Variants in NUTM1 observed in about 807,000 individuals in gnomAD.
The protein encoded by NUTM1 is NUT family member 1.
Under a neutral mutation model 88.7 loss-of-function variants are expected in NUTM1, and 39 were observed. The ratio of observed to expected loss-of-function variants is 0.44; its 90% CI spans 0.34 to 0.57. NUTM1 has a LOEUF of 0.57. NUTM1 is among the 20% of genes least tolerant of loss of function. NUTM1 has a pLI of 0.01. For synonymous variants in NUTM1, 494 were observed against 538.0 expected, an observed-to-expected ratio of 0.92 and a Z score of 1.13; for missense variants, 1,350 against 1,414.5, an observed-to-expected ratio of 0.95 and a Z score of 0.73.
Position 34,356,417 on chromosome 15 carries a change from C to T in NUTM1, c.2409C>T (p.Thr803=). The change falls in exon 8 of 8, where the codon ACC becomes ACT. Residue 803 remains threonine (T), a synonymous_variant. Coordinates refer to ENST00000537011, the MANE Select transcript of NUTM1 (RefSeq NM_001284292.2). ...ACATTTCCCTGGGTCCTGGAGAAAC[C>T]CTAGTACCTGGGGATACGGAGAGCA... ...RGNISLGPGE[T]LVPGDTESSV... 1 of 1,610,980 alleles carries T rather than the reference C, an allele frequency of 6.2e-7. No individual in the cohort carries two copies. The highest frequency in any genetic ancestry group is 8.5e-7 in the Non-Finnish European group (1 of 1,178,358).
At position 34,357,340 on chromosome 15, in the gene NUTM1, C is replaced by T; in HGVS notation, c.3332C>T (p.Pro1111Leu). The T allele has an allele frequency of 1.2e-6, 2 of 1,614,154 alleles. No individual in the cohort carries two copies. Among genetic ancestry groups the T allele is most frequent in the Non-Finnish European group, 1.7e-6 (2 of 1,180,012 alleles). ...GKRALAGGPA[P>L]TEKTPHSGAQ... ...CGAGCTCTAGCTGGAGGTCCAGCCC[C>T]TACTGAAAAGACACCCCACTCAGGA... The change falls in exon 8 of 8, where the codon CCT (proline) becomes CTT (leucine). Residue 1111 changes from proline to leucine, a missense_variant. This residue lies in a region of NUTM1 where 730 missense variants were observed against 728.8 expected (regional missense o/e 1.00). Coordinates refer to ENST00000537011, the MANE Select transcript of NUTM1 (RefSeq NM_001284292.2).
Position 34,356,200 on chromosome 15 carries a change from A to G in NUTM1, c.2192A>G (p.Gln731Arg). ...ACCCCCATGGCTCAGAGTTATGATC[A>G]GAATCCTTCCCCTAGAGCAGCTGGG... ...RGTPMAQSYD[Q>R]NPSPRAAGER... Residue 731 changes from glutamine (Q) to arginine (R), a missense_variant, in exon 8 of 8, where the codon CAG (glutamine) becomes CGG (arginine). This residue lies in a region of NUTM1 where 730 missense variants were observed against 728.8 expected (regional missense o/e 1.00). Transcript: ENST00000537011. 1 of 1,608,344 alleles carries G rather than the reference A, an allele frequency of 6.2e-7. No homozygotes were observed. The highest frequency in any genetic ancestry group is 8.5e-7 in the Non-Finnish European group (1 of 1,175,874).
At chr15:34,346,526 T>C (rs557409025) in intron 2 of NUTM1, among the ~76,000 whole-genome samples, 1 of 149,556 alleles carries the variant, frequency 6.7e-6, no homozygotes, top group African/African-American at 2.5e-5. Flanking sequence ...GAAAAGATAA[T>C]CTGTAGTTAT....
chr15:34,343,780 C>T, intron 1 of NUTM1, 78 bp downstream of exon 1: 1 of 1,267,294 alleles, frequency 7.9e-7, no homozygotes, highest in South Asian at 1.4e-5. Flanking sequence ...AGAAGTTCTC[C>T]TTATAAGACT....
rs932399842 is a variant in NUTM1, at chr15:34,348,168, G to A, written c.300G>A (p.Val100=). Residue 100 remains valine, a synonymous_variant, in exon 3 of 8, where the codon GTG becomes GTA. Coordinates refer to ENST00000537011, the MANE Select transcript of NUTM1 (RefSeq NM_001284292.2). The part of the protein sequence containing the change: ...MLSAFPSSLL[V]TGDGGPCLSG... ...CTGCTTTCCCCAGCTCACTGTTGGT[G>A]ACAGGGGATGGGGGCCCTTGCCTCA... The A allele has an allele frequency of 2.5e-6, 4 of 1,614,216 alleles. No individual in the cohort carries two copies. Among genetic ancestry groups the A allele is most frequent in the African/African-American group, 1.3e-5 (1 of 75,066 alleles).
chr15:34,343,800 AG>A, intron 1 of NUTM1, 98 bp downstream of exon 1: 2 of 1,103,080 alleles, frequency 1.8e-6, no homozygotes, highest in Admixed American at 5.2e-5. Context: ...TCTCGTTTAA[AG>A]AAATGAAAAT....
At position 34,353,716 on chromosome 15, in the gene NUTM1, G is replaced by A; in HGVS notation, c.939-20G>A. ...TGGTCTCCTTCTCAGCATTGCCTAT[G>A]CCTTTCTCACCCTCTGCAGGTTCAT... On this transcript the variant is annotated intron_variant, in intron 4 of 7. Transcript: ENST00000537011. 2.5e-6 allele frequency: 4 copies of A among 1,613,962 alleles called. No individual in the cohort carries two copies. The highest frequency in any genetic ancestry group is 3.4e-6 in the Non-Finnish European group (4 of 1,179,958).
intron 4 of NUTM1, among the ~76,000 whole-genome samples, chr15:34,351,870 A>AT (rs1471732209): frequency 1.7e-4 from 8 of 46,070 alleles, no homozygotes; most frequent in African/African-American, 4.6e-4. Flanking sequence ...AATATCTTTG[A>AT]TTAAAAAAAA....
chr15:34,345,845 C>G (rs1890575059), intron 1 of NUTM1, 97 bp from the exon 2 acceptor site: 2 of 1,503,368 alleles, frequency 1.3e-6, no homozygotes, highest in Admixed American at 2.1e-5. Context: ...CCTCTCCCCT[C>G]CCCCACAGCA....
chr15:34,349,586 C>A (rs1890670526), intron 3 of NUTM1, among the ~76,000 whole-genome samples: 1 of 152,166 alleles, frequency 6.6e-6, no homozygotes, highest in Non-Finnish European at 1.5e-5. Flanking sequence ...CTTCCCTTCC[C>A]ACCCAGACCC....
intron 5 of NUTM1, 49 bp downstream of exon 5, chr15:34,353,921 GA>G: frequency 6.3e-7 from 1 of 1,598,892 alleles, no homozygotes; most frequent in Non-Finnish European, 8.5e-7. Context: ...GGCTCAAAGG[GA>G]TGCATACAGA....
Position 34,355,842 on chromosome 15 carries a change from A to G in NUTM1, c.1834A>G (p.Arg612Gly), listed in dbSNP as rs1204585167. The G allele has an allele frequency of 1.1e-5, 18 of 1,614,046 alleles. No homozygotes were observed. The highest frequency in any genetic ancestry group is 1.4e-5 in the Non-Finnish European group (17 of 1,180,002). The change falls in exon 8 of 8, where the codon AGA becomes GGA. Residue 612 changes from arginine (R) to glycine (G), a missense_variant. Physicochemically the swap from Arg to Gly is moderately radical, Grantham distance 125. Transcript: ENST00000537011. This position sits in a 1 kb window ranked among gnomAD's most constrained non-coding sequence, Gnocchi z 4.3. The stretch of plus-strand genomic sequence containing the variant: ...TCCGGGACCCTTGGGTGTGGAGAGG[A>G]GAGGGTCTGGGAAGGTTATAAACCA... Reference protein sequence around the residue: ...GTPGPLGVERRGSGKVINQVS... With the variant: ...GTPGPLGVERGGSGKVINQVS...
intron 4 of NUTM1, among the ~76,000 whole-genome samples, chr15:34,351,145 T>C (rs1393566187): frequency 7.3e-6 from 1 of 137,730 alleles, no homozygotes; most frequent in African/African-American, 2.7e-5. Context: ...GGAGAATCGT[T>C]TGAACCTGGG....
chr15:34,345,637 T>C (rs1016305219), intron 1 of NUTM1, among the ~76,000 whole-genome samples: 3 of 152,180 alleles, frequency 2.0e-5, no homozygotes, highest in African/African-American at 7.2e-5. Context: ...ATGAGATATG[T>C]TGGTGAAGAA....
chr15:34,343,952 C>T (rs1890534087), intron 1 of NUTM1, among the ~76,000 whole-genome samples: 1 of 149,532 alleles, frequency 6.7e-6, no homozygotes, highest in Non-Finnish European at 1.5e-5. Context: ...TGGCGGGGCG[C>T]GGTGGCTCAC....
chr15:34,343,508 C>A lies in NUTM1; in HGVS notation c.-189C>A. On this transcript the variant is annotated 5_prime_UTR_variant, in exon 1 of 8. Transcript: ENST00000537011. ...AGGGAAGAAAGAAGAGGTTTTCTTC[C>A]CTCCCCTCTTTTACATCCAGTTCCC... 1 of 1,344,000 alleles carries A rather than the reference C, an allele frequency of 7.4e-7. No individual in the cohort carries two copies. Among genetic ancestry groups the A allele is most frequent in the South Asian group, 1.3e-5 (1 of 74,096 alleles). The allele number at this position is 1,344,000 out of a possible 1,614,324, so 83.3% of individuals were successfully genotyped here. A position where few individuals can be genotyped will look rare whatever the true frequency, so the allele number is the denominator to read the frequency against.
Position 34,355,490 on chromosome 15 carries a change from G to T in NUTM1, c.1482G>T (p.Leu494=). 1 of 1,614,062 alleles carries T rather than the reference G, an allele frequency of 6.2e-7. No individual in the cohort carries two copies. Among genetic ancestry groups the T allele is most frequent in the Non-Finnish European group, 8.5e-7 (1 of 1,179,970 alleles). ...GACTATTTGTTCATTTCTTTCAGCT[G>T]GTCCAGAAGCGACTCATGGCCTTGG... ...EQEEGLTLAQ[L]VQKRLMALEE... The change falls in exon 8 of 8, where the codon CTG becomes CTT. Residue 494 remains leucine, a splice_region_variant and synonymous_variant. Transcript: ENST00000537011. The surrounding 1 kb of genome is among the most constrained non-coding windows in gnomAD (Gnocchi z 4.3).
Position 34,356,600 on chromosome 15 carries a change from G to T in NUTM1, c.2592G>T (p.Trp864Cys), listed in dbSNP as rs762688120. 7.4e-6 allele frequency: 12 copies of T among 1,613,808 alleles called. No individual in the cohort carries two copies. ...CCGTAGGGCATCCCAGTGATCTGTGGGCAGAAGGTTGCTTCCCATTGCTAG... is the reference window on the plus strand; with the variant it reads ...CCGTAGGGCATCCCAGTGATCTGTGTGCAGAAGGTTGCTTCCCATTGCTAG... ...CETVGHPSDL[W>C]AEGCFPLLES... Residue 864 changes from tryptophan to cysteine, a missense_variant, in exon 8 of 8, where the codon TGG becomes TGT. Trp to Cys is a radical substitution (Grantham distance 215). Around this residue, in one of 5 missense-constraint regions of NUTM1, gnomAD observed 730 missense variants for 728.8 expected, o/e 1.00. Transcript: ENST00000537011.
Position 34,348,556 on chromosome 15 carries a change from G to T in NUTM1, c.688G>T (p.Asp230Tyr), listed in dbSNP as rs774749916. 6.2e-7 allele frequency: 1 copy of T among 1,613,968 alleles called. No homozygotes were observed. The highest frequency in any genetic ancestry group is 1.3e-5 in the African/African-American group (1 of 75,050). ...CACTCTATCCAAGCCTTCCCTAGGT[G>T]ACCGCTCCAAAATTTCCAAGGACGT... Reference protein sequence around the residue: ...VATLSKPSLGDRSKISKDVYE... With the variant: ...VATLSKPSLGYRSKISKDVYE... Residue 230 changes from aspartate (D) to tyrosine (Y), a missense_variant, in exon 3 of 8, where the codon GAC becomes TAC. This residue lies in a region of NUTM1 where 399 missense variants were observed against 397.9 expected (regional missense o/e 1.00). Transcript: ENST00000537011.
Sources: gnomAD v4.1 joint callset for allele counts (sites outside exome capture counted in the v4.1 genomes callset) on GRCh38, gnomAD v4.1.1 for gene constraint, gnomAD v4.1.1 regional missense constraint, Gnocchi (gnomAD v3.1) non-coding constraint, MANE v1.5 for transcripts, NCBI Gene and HGNC (gene_info 2026-07-23, HGNC 2026-07-21) for gene names.